SUFU: variants seen among roughly 807,000 people sequenced by gnomAD.
SUFU encodes the protein SUFU negative regulator of hedgehog signaling.
Under a neutral mutation model 58.9 loss-of-function variants are expected in SUFU, and 7 were observed. That is an observed-to-expected ratio of 0.12 (90% CI 0.07 to 0.22). The LOEUF is 0.22. SUFU is among the 10% of genes least tolerant of loss of function. SUFU has a pLI of 1.00. For synonymous variants in SUFU, 232 were observed against 254.8 expected (o/e 0.91, Z 0.85); for missense variants, 451 against 641.3 (o/e 0.70, Z 3.20).
intron 4 of SUFU, 132 bp from the exon 5 acceptor site, chr10:102,593,504 G>T (rs529842225): frequency 2.2e-6 from 2 of 910,430 alleles, no homozygotes; most frequent in East Asian, 2.5e-5. Flanking sequence ...AATCTTGGCT[G>T]CACCAGCTCC....
At chr10:102,504,829 G>A (rs2062304311) in intron 1 of SUFU, among the ~76,000 whole-genome samples, 1 of 152,004 alleles carries the variant, frequency 6.6e-6, no homozygotes, top group Non-Finnish European at 1.5e-5. Flanking sequence ...CTCCTGTGGT[G>A]GGTAGGAGGG....
intron 3 of SUFU, among the ~76,000 whole-genome samples, chr10:102,551,156 A>G (rs992454651): frequency 1.3e-5 from 2 of 152,226 alleles, no homozygotes; most frequent in Admixed American, 1.3e-4. Context: ...TTGTTGGCAC[A>G]TGAGGCAGAT....
At chr10:102,531,082 CAA>C (rs5787463) in intron 2 of SUFU, among the ~76,000 whole-genome samples, 57,628 of 95,968 alleles carry the variant, frequency 0.6, 17,108 homozygotes, top group South Asian at 0.7. Context: ...CCATTTCTAC[CAA>C]AAAAAAAAAA....
At chr10:102,599,025 T>C (rs970380948) in intron 7 of SUFU, among the ~76,000 whole-genome samples, 2 of 152,108 alleles carry the variant, frequency 1.3e-5, no homozygotes, top group African/African-American at 4.8e-5. Flanking sequence ...AAAGGTGTGT[T>C]AGAGGCACCT....
At chr10:102,549,363 T>C (rs1031731907) in intron 2 of SUFU, among the ~76,000 whole-genome samples, 3 of 152,304 alleles carry the variant, frequency 2.0e-5, no homozygotes, top group African/African-American at 7.2e-5. Flanking sequence ...CAGAGAAAAC[T>C]GCCCTATAAA....
intron 2 of SUFU, among the ~76,000 whole-genome samples, chr10:102,529,556 G>A (rs2062652683): frequency 6.6e-6 from 1 of 152,092 alleles, no homozygotes; most frequent in South Asian, 2.1e-4. Context: ...GGTGGATCAC[G>A]AGGTCAGGAG....
rs117407459 is a variant in SUFU, at chr10:102,615,245, C to G, written c.1023-23C>G. 0.013 allele frequency: 21,131 copies of G among 1,614,112 alleles called. 218 individuals carry two copies. The highest frequency in any genetic ancestry group is 0.028 in the South Asian group (2,586 of 91,078). ...CTGAGCTTTTCACCTTGTGCCGAAC[C>G]TTTTCCTGTGCTTGCTTCACAGGAG... On this transcript the variant is annotated intron_variant, in intron 8 of 11. Transcript: ENST00000369902.
In SUFU at chr10:102,631,552, A is replaced by T; in HGVS notation, c.*1397A>T. 2 of 233,222 alleles carry T rather than the reference A, an allele frequency of 8.6e-6. No homozygotes were observed. Among genetic ancestry groups the T allele is most frequent in the East Asian group, 1.2e-4 (2 of 16,570 alleles). 14.4% of individuals were successfully genotyped at this position (233,222 alleles called of 1,614,324 possible). ...ACAATACTTCAAGATCACTCTTTACACCTCTTCAAAGCAAAGTCATGACAA... is the reference window on the plus strand; with the variant it reads ...ACAATACTTCAAGATCACTCTTTACTCCTCTTCAAAGCAAAGTCATGACAA... On this transcript the variant is annotated 3_prime_UTR_variant, in exon 12 of 12. Transcript: ENST00000369902.
At chr10:102,574,658 T>G (rs1204102241) in intron 3 of SUFU, among the ~76,000 whole-genome samples, 1 of 152,120 alleles carries the variant, frequency 6.6e-6, no homozygotes, top group Non-Finnish European at 1.5e-5. Flanking sequence ...TAAAATCAAA[T>G]AAGTAAAAAT....
intron 2 of SUFU, among the ~76,000 whole-genome samples, chr10:102,543,638 A>G (rs1484927394): frequency 1.3e-5 from 2 of 152,164 alleles, no homozygotes; most frequent in Non-Finnish European, 2.9e-5. Context: ...TTCCCCATAG[A>G]TTTGTCCATT....
upstream of SUFU, among the ~76,000 whole-genome samples, chr10:102,503,520 T>G (rs1391313957): frequency 6.6e-6 from 1 of 152,190 alleles, no homozygotes; most frequent in Non-Finnish European, 1.5e-5. Flanking sequence ...GTGCATTTTT[T>G]TCTCTGGATT....
chr10:102,613,956 C>T (rs2063653671), intron 8 of SUFU, among the ~76,000 whole-genome samples: 1 of 152,194 alleles, frequency 6.6e-6, no homozygotes, highest in Non-Finnish European at 1.5e-5. Context: ...CCCAGCAGGG[C>T]GGGGGCCCGG....
chr10:102,527,244 C>T (rs1006647278), intron 2 of SUFU, among the ~76,000 whole-genome samples: 10 of 151,788 alleles, frequency 6.6e-5, no homozygotes, highest in South Asian at 2.1e-4. Flanking sequence ...CCTTGTGATC[C>T]GCCCACCTTG....
chr10:102,627,064 CAGTG>C, intron 10 of SUFU, 107 bp from the exon 11 acceptor site: 4 of 1,181,522 alleles, frequency 3.4e-6, no homozygotes, highest in Non-Finnish European at 5.0e-6. Flanking sequence ...GAACAGATCA[CAGTG>C]AGCTCATCTC....
At chr10:102,611,225 A>C (rs1396317313) in intron 8 of SUFU, among the ~76,000 whole-genome samples, 4 of 152,256 alleles carry the variant, frequency 2.6e-5, no homozygotes, top group African/African-American at 9.6e-5. Context: ...GTGGGATGTG[A>C]GAGCAGCCTC....
At chr10:102,520,102 T>C (rs1047189905) in intron 2 of SUFU, among the ~76,000 whole-genome samples, 1 of 151,276 alleles carries the variant, frequency 6.6e-6, no homozygotes, top group African/African-American at 2.4e-5. Context: ...CCTTGCATTA[T>C]TGTGGTTTAT....
chr10:102,542,052 T>C (rs2062807934), intron 2 of SUFU, among the ~76,000 whole-genome samples: 2 of 151,098 alleles, frequency 1.3e-5, no homozygotes, highest in South Asian at 4.2e-4. Context: ...GCCCGACTAA[T>C]TTTGTATTTT....
chr10:102,599,567 G>A (rs2063497087), intron 8 of SUFU, 23 bp downstream of exon 8: 5 of 1,606,792 alleles, frequency 3.1e-6, no homozygotes, highest in Non-Finnish European at 3.4e-6. Context: ...GTGTCCCTGG[G>A]CTGGAACAAG....
intron 2 of SUFU, among the ~76,000 whole-genome samples, chr10:102,542,959 A>C (rs2062819745): frequency 6.6e-6 from 1 of 152,128 alleles, no homozygotes; most frequent in Admixed American, 6.5e-5. Context: ...TGTTTATACC[A>C]ATTTGTAGAG....
Sources: gnomAD v4.1 joint callset for allele counts (sites outside exome capture counted in the v4.1 genomes callset) on GRCh38, gnomAD v4.1.1 for gene constraint, MANE v1.5 for transcripts, NCBI Gene and HGNC (gene_info 2026-07-23, HGNC 2026-07-21) for gene names.